The following BCORL1 variants were observed in gnomAD, a reference collection of about 807,000 sequenced individuals.
BCORL1 encodes the protein BCL6 corepressor like 1.
BCORL1 carries 7 observed loss-of-function variants against 87.6 expected under a neutral mutation model. The ratio of observed to expected loss-of-function variants is 0.08; its 90% CI spans 0.05 to 0.15. The LOEUF (loss-of-function observed/expected upper bound fraction) is 0.15, where lower values mean the gene tolerates loss of function less well. BCORL1 is among the 10% of genes least tolerant of loss of function. The pLI is 1.00. For synonymous variants in BCORL1, 591 were observed against 634.4 expected, an observed-to-expected ratio of 0.93 and a Z score of 1.03; for missense variants, 1,215 against 1,499.7, an observed-to-expected ratio of 0.81 and a Z score of 3.13.
At position 130,014,863 on chromosome X, in the gene BCORL1, G is replaced by T. The variant is rs199575306; in HGVS notation, c.2091G>T (p.Gly697=). 1 of 1,209,449 alleles carries T rather than the reference G, an allele frequency of 8.3e-7. No homozygotes were observed. The highest frequency in any genetic ancestry group is 1.8e-5 in the African/African-American group (1 of 57,006). The part of the protein sequence containing the change: ...FVIFPEIVRN[G]DPSTWVKNST... ...TCTTTCCCGAGATCGTGAGGAATGG[G>T]GACCCGAGCACCTGGGTGAAGAACT... The change falls in exon 4 of 14, where the codon GGG becomes GGT. Residue 697 remains glycine (G), a synonymous_variant. Coordinates refer to ENST00000540052, the MANE Select transcript of BCORL1 (RefSeq NM_001379451.1).
chrX:130,043,785 T>TATATATATATATATATATATA (rs59484337), intron 11 of BCORL1, among the ~76,000 whole-genome samples: 1 of 10,449 alleles, frequency 9.6e-5, no homozygotes, highest in Non-Finnish European at 1.4e-4. Flanking sequence ...TATATATATA[T>TATATATATATATATATATATA]TTTTTTTTTT....
intron 8 of BCORL1, among the ~76,000 whole-genome samples, chrX:130,033,084 C>CTT (rs1185161642): frequency 1.4e-4 from 13 of 96,199 alleles, no homozygotes; most frequent in African/African-American, 3.1e-4. Flanking sequence ...TTTCTTCTCT[C>CTT]TTTTTTTTTT....
chrX:130,011,394 C>G lies in BCORL1; in HGVS notation c.87-1184C>G, dbSNP rs915018669. 7.2e-5 allele frequency among the ~76,000 whole-genome samples: 8 copies of G among 110,611 alleles called. No individual in the cohort carries two copies. In the Admixed American group the frequency reaches 7.7e-4, roughly 11 times the overall value. On this transcript the variant is annotated intron_variant, in intron 2 of 13. Coordinates refer to ENST00000540052, the MANE Select transcript of BCORL1 (RefSeq NM_001379451.1). ...CTGGGATTACAGGTGCCTGCCATCA[C>G]GCCTGGCTAATTTTTGTATTTTTTA...
chrX:130,051,362 G>A (rs1932061696), intron 12 of BCORL1, among the ~76,000 whole-genome samples: 1 of 112,892 alleles, frequency 8.9e-6, no homozygotes, highest in Non-Finnish European at 1.9e-5. Context: ...ACCCTTGGGG[G>A]AAGCTGGAGG....
At chrX:130,037,261 C>A in intron 9 of BCORL1, 106 bp from the exon 10 acceptor site, 1 of 815,067 alleles carries the variant, frequency 1.2e-6, no homozygotes, top group Non-Finnish European at 1.8e-6. Context: ...CTATAAAGGG[C>A]AGGCTCTGAG....
chrX:130,033,084 C>CT (rs1185161642), intron 8 of BCORL1, among the ~76,000 whole-genome samples: 3,150 of 96,171 alleles, frequency 0.033, 163 homozygotes, highest in African/African-American at 0.11. Context: ...TTTCTTCTCT[C>CT]TTTTTTTTTT....
At chrX:130,039,837 G>A (rs1931209691) in intron 11 of BCORL1, among the ~76,000 whole-genome samples, 1 of 112,666 alleles carries the variant, frequency 8.9e-6, no homozygotes, top group African/African-American at 3.2e-5. Context: ...TCCCTCACCT[G>A]CCCCTTCTGT....
rs372065215 is a variant in BCORL1 at position 130,056,012 on chromosome X, G to C, written c.5234G>C (p.Arg1745Thr). The change falls in exon 14 of 14, where the codon AGG (arginine) becomes ACG (threonine). Residue 1745 changes from arginine (R) to threonine (T), a missense_variant. This residue lies in a region of BCORL1 where 129 missense variants were observed against 157.5 expected (regional missense o/e 0.82). Coordinates refer to ENST00000540052, the MANE Select transcript of BCORL1 (RefSeq NM_001379451.1). Reference protein sequence around the residue: ...ASSQLLTPAERPGGLDDRSPP... With the variant: ...ASSQLLTPAETPGGLDDRSPP... ...AGTCAGCTGCTGACCCCTGCCGAGA[G>C]GCCTGGAGGCTTGGACGACAGATCC... is the stretch of plus-strand genomic sequence containing the variant. 113 of 1,210,853 alleles carry C rather than the reference G, an allele frequency of 9.3e-5. No individual in the cohort carries two copies. The highest frequency in any genetic ancestry group is 3.9e-4 in the South Asian group (22 of 56,865).
chrX:130,022,236 CTTTTTTT>C (rs34598574), intron 5 of BCORL1, among the ~76,000 whole-genome samples: 14 of 56,310 alleles, frequency 2.5e-4, no homozygotes, highest in South Asian at 9.3e-4. Context: ...TTCTTTCTTT[CTTTTTTT>C]TTTTTTTTTT....
At chrX:130,031,375 C>G (rs1930591758) in intron 8 of BCORL1, among the ~76,000 whole-genome samples, 2 of 112,559 alleles carry the variant, frequency 1.8e-5, no homozygotes, top group South Asian at 7.3e-4. Flanking sequence ...ATGCCCCGAG[C>G]CCTCATCTTC....
Position 130,005,275 on chromosome X carries a change from C to T in BCORL1, c.44C>T (p.Thr15Ile). The T allele has an allele frequency of 8.3e-7, 1 of 1,211,563 alleles. No individual in the cohort carries two copies. The highest frequency in any genetic ancestry group is 1.1e-6 in the Non-Finnish European group (1 of 895,378). Residue 15 changes from threonine (T) to isoleucine (I), a missense_variant, in exon 2 of 14, where the codon ACC becomes ATC. By Grantham distance (89) the Thr-to-Ile change is moderately conservative. Around this residue, in one of 5 missense-constraint regions of BCORL1, gnomAD observed 861 missense variants for 1,010.0 expected, o/e 0.85. Transcript: ENST00000540052. The stretch of plus-strand genomic sequence containing the variant: ...CTCTACAGCGGCGTGCACAACTGGA[C>T]CAGTTCTGACCGGATTCGCATGTGT... ...APLYSGVHNW[T>I]SSDRIRMCGI...
intron 1 of BCORL1, among the ~76,000 whole-genome samples, chrX:130,003,380 T>TCTTCTTC (rs1403936511): frequency 2.0e-5 from 2 of 101,738 alleles, no homozygotes; most frequent in African/African-American, 8.4e-5. Flanking sequence ...TCTTCTTTTT[T>TCTTCTTC]TTTTTTTTTG....
upstream of BCORL1, chrX:129,981,862 G>A (rs760864030): frequency 1.1e-5 from 1 of 94,219 alleles, no homozygotes; most frequent in South Asian, 6.3e-4. Context: ...GGGAGAGAGA[G>A]AGGCGAGCCC....
chrX:130,042,834 G>A (rs1189746165), intron 11 of BCORL1, among the ~76,000 whole-genome samples: 2 of 108,890 alleles, frequency 1.8e-5, no homozygotes, highest in African/African-American at 6.7e-5. Flanking sequence ...TAGCTGGACC[G>A]TGGTGGTGCA....
At chrX:130,018,974 G>A (rs914670704) in intron 4 of BCORL1, among the ~76,000 whole-genome samples, 1 of 112,020 alleles carries the variant, frequency 8.9e-6, no homozygotes, top group Non-Finnish European at 1.9e-5. Flanking sequence ...AATACCACCT[G>A]CCCAAGGCCT....
intron 1 of BCORL1, among the ~76,000 whole-genome samples, chrX:130,002,260 A>G (rs1928105535): frequency 9.1e-6 from 1 of 110,186 alleles, no homozygotes; most frequent in African/African-American, 3.3e-5. Flanking sequence ...ATTAACAGCA[A>G]GTTGCTGGCA....
intron 5 of BCORL1, among the ~76,000 whole-genome samples, chrX:130,022,356 T>C (rs1312230759): frequency 2.0e-5 from 2 of 101,981 alleles, no homozygotes; most frequent in Non-Finnish European, 4.0e-5. Flanking sequence ...CAAGTGATTC[T>C]CCTTCCTCAG....
intron 7 of BCORL1, among the ~76,000 whole-genome samples, chrX:130,026,294 G>A (rs1343290723): frequency 1.8e-5 from 2 of 112,286 alleles, no homozygotes; most frequent in South Asian, 7.4e-4. Context: ...ACCTCATATT[G>A]AGTGGGTAGT....
At chrX:130,023,363 C>G (rs1285411933) in intron 6 of BCORL1, among the ~76,000 whole-genome samples, 1 of 111,671 alleles carries the variant, frequency 9.0e-6, no homozygotes, top group Non-Finnish European at 1.9e-5. Flanking sequence ...TCTTATTGCC[C>G]TATGTGACAG....
Sources: allele counts gnomAD v4.1 joint callset (sites outside exome capture counted in the v4.1 genomes callset), GRCh38; gene constraint gnomAD v4.1.1; regional missense constraint gnomAD v4.1.1; transcripts MANE v1.5; gene names NCBI Gene and HGNC (gene_info 2026-07-23, HGNC 2026-07-21).